MICAL2: variants seen among roughly 807,000 people sequenced by gnomAD.
MICAL2 encodes microtubule associated monooxygenase, calponin and LIM domain containing 2, also known as [F-actin]-monooxygenase MICAL2.
A neutral mutation model predicts 127.3 loss-of-function variants in MICAL2; 77 were observed. The observed-to-expected ratio is 0.60, with a 90% CI of 0.50 to 0.73. The LOEUF is 0.73. Ranked by LOEUF, MICAL2 falls within the 30% of genes least tolerant of loss-of-function variation. MICAL2 has a pLI of 0.00. For synonymous variants in MICAL2, 570 were observed against 551.1 expected (o/e 1.03, Z -0.48); for missense variants, 1,351 against 1,434.4 (o/e 0.94, Z 0.94).
At chr11:12,312,137 T>G (rs900259554) in intron 29 of MICAL2, among the ~76,000 whole-genome samples, 6 of 151,934 alleles carry the variant, frequency 3.9e-5, no homozygotes, top group African/African-American at 1.4e-4. Context: ...TTCTGCCCAT[T>G]TTTTGCTTAA....
intron 2 of MICAL2, among the ~76,000 whole-genome samples, chr11:12,159,469 G>A (rs934611667): frequency 6.6e-6 from 1 of 152,216 alleles, no homozygotes. Flanking sequence ...TGGCTCTGCC[G>A]TCATCCACGT....
chr11:12,152,197 C>G (rs1164321274), intron 2 of MICAL2, among the ~76,000 whole-genome samples: 2 of 138,586 alleles, frequency 1.4e-5, no homozygotes, highest in East Asian at 4.6e-4. Flanking sequence ...ACTTGGGAGG[C>G]TGAGGCAGGA....
chr11:12,356,856 A>G lies in MICAL2; in HGVS notation c.5690-1439A>G, dbSNP rs1309108712. On this transcript the variant is annotated intron_variant, in intron 34 of 34. Coordinates refer to the MICAL2 transcript ENST00000646065. The stretch of plus-strand genomic sequence containing the variant: ...CACTCAGACCCTTCTTCTCTGCCCA[A>G]CCATGAAGTACTGTCTTATGTTTAT... Among the ~76,000 whole-genome samples, 3 of 152,136 alleles carry G rather than the reference A, an allele frequency of 2.0e-5. No homozygotes were observed. The East Asian group carries it at 5.8e-4, about 29-fold the overall frequency.
intron 2 of MICAL2, among the ~76,000 whole-genome samples, chr11:12,148,983 C>G (rs1470924181): frequency 6.6e-6 from 1 of 152,186 alleles, no homozygotes; most frequent in Non-Finnish European, 1.5e-5. Context: ...GGCAACTCCT[C>G]CAGGCTCACA....
chr11:12,239,736 A>G (rs1172690912), intron 17 of MICAL2, 151 bp downstream of exon 17: 3 of 900,098 alleles, frequency 3.3e-6, no homozygotes, highest in Non-Finnish European at 4.9e-6. Flanking sequence ...AGACTTTTCT[A>G]TAAGAGGCCA....
chr11:12,151,651 AAC>A (rs1491232473), intron 2 of MICAL2, among the ~76,000 whole-genome samples: 4 of 152,208 alleles, frequency 2.6e-5, no homozygotes, highest in Non-Finnish European at 4.4e-5. Context: ...CACCAACTTC[AAC>A]ACACAGTTTC....
intron 3 of MICAL2, among the ~76,000 whole-genome samples, chr11:12,188,349 A>G (rs1858596164): frequency 6.6e-6 from 1 of 152,264 alleles, no homozygotes; most frequent in East Asian, 1.9e-4. Flanking sequence ...CTCACCTTAT[A>G]TTTCTATTGC....
intron 1 of MICAL2, among the ~76,000 whole-genome samples, chr11:12,136,514 C>T (rs1342764957): frequency 1.3e-5 from 2 of 152,044 alleles, no homozygotes; most frequent in African/African-American, 4.8e-5. Context: ...GTAGTTTTGT[C>T]GGTGTCTCTA....
intron 3 of MICAL2, among the ~76,000 whole-genome samples, chr11:12,192,338 ACCC>A (rs1462980670): frequency 6.6e-6 from 1 of 152,112 alleles, no homozygotes; most frequent in Non-Finnish European, 1.5e-5. Flanking sequence ...CCTTGGAGAT[ACCC>A]CAACAGAGGC....
intron 3 of MICAL2, among the ~76,000 whole-genome samples, chr11:12,173,409 C>T (rs1043907678): frequency 3.7e-4 from 56 of 152,218 alleles, no homozygotes; most frequent in African/African-American, 1.2e-3. Context: ...TGTCCCCTTC[C>T]AGCCAAGGAG....
chr11:12,319,543 G>A (rs1864268085), intron 29 of MICAL2, among the ~76,000 whole-genome samples: 1 of 151,818 alleles, frequency 6.6e-6, no homozygotes, highest in African/African-American at 2.4e-5. Flanking sequence ...GTTGCCCTTA[G>A]GTACTGTTGC....
chr11:12,354,979 C>G (rs1279821417), intron 34 of MICAL2: 2 of 849,882 alleles, frequency 2.4e-6, no homozygotes, highest in African/African-American at 3.4e-5. Flanking sequence ...GAGGAAAGTA[C>G]AAAGCCAGCC....
intron 32 of MICAL2, among the ~76,000 whole-genome samples, chr11:12,327,496 G>A (rs1369034620): frequency 6.6e-6 from 1 of 152,218 alleles, no homozygotes; most frequent in Non-Finnish European, 1.5e-5. Context: ...ATTCCCAGGA[G>A]CATTGGTCAG....
chr11:12,212,035 G>T (rs1855531670), intron 6 of MICAL2, among the ~76,000 whole-genome samples: 1 of 152,118 alleles, frequency 6.6e-6, no homozygotes, highest in Non-Finnish European at 1.5e-5. Context: ...CCACGGGATG[G>T]GCCAGGAGCT....
At chr11:12,123,028 T>C (rs762601911) in intron 1 of MICAL2, among the ~76,000 whole-genome samples, 24 of 152,168 alleles carry the variant, frequency 1.6e-4, no homozygotes, top group Admixed American at 2.6e-4. Context: ...TACCACCCAA[T>C]AGCTCTTCAG....
intron 3 of MICAL2, among the ~76,000 whole-genome samples, chr11:12,201,303 G>A (rs966557470): frequency 2.0e-5 from 3 of 152,066 alleles, no homozygotes; most frequent in Non-Finnish European, 2.9e-5. Flanking sequence ...CGTGGTGTGG[G>A]AGCTCCTGAT....
intron 3 of MICAL2, among the ~76,000 whole-genome samples, chr11:12,195,646 A>G (rs1271300167): frequency 6.6e-6 from 1 of 152,212 alleles, no homozygotes; most frequent in African/African-American, 2.4e-5. Context: ...TATTTGGAAA[A>G]CTAGAGTTGA....
chr11:12,154,582 C>T (rs559943269), intron 2 of MICAL2, among the ~76,000 whole-genome samples: 102 of 152,370 alleles, frequency 6.7e-4, no homozygotes, highest in African/African-American at 2.3e-3. Context: ...TCTTCTCCTA[C>T]AGACACTAGA....
chr11:12,204,955 A>G (rs1341063995), intron 4 of MICAL2, among the ~76,000 whole-genome samples: 1 of 152,210 alleles, frequency 6.6e-6, no homozygotes, highest in Non-Finnish European at 1.5e-5. Flanking sequence ...GAGTTTGGAC[A>G]TTGTGCATCG....
Sources: allele counts gnomAD v4.1 joint callset (sites outside exome capture counted in the v4.1 genomes callset), GRCh38; gene constraint gnomAD v4.1.1; transcripts MANE v1.5; gene names NCBI Gene and HGNC (gene_info 2026-07-23, HGNC 2026-07-21).